ZBTB45: variants seen among roughly 807,000 people sequenced by gnomAD.
The protein encoded by ZBTB45 is zinc finger and BTB domain-containing protein 45.
In ZBTB45, 22 loss-of-function variants were observed where a neutral mutation model predicts 28.4. The ratio of observed to expected loss-of-function variants is 0.77; its 90% CI spans 0.55 to 1.10. The LOEUF is 1.10. Ranked by LOEUF, ZBTB45 falls within the 50% of genes least tolerant of loss-of-function variation. The pLI is 0.00. For missense variants in ZBTB45, 656 were observed against 750.2 expected (o/e 0.87, Z 1.47); for synonymous variants, 361 against 332.3 (o/e 1.09, Z -0.94).
Position 58,517,126 on chromosome 19 carries a change from G to A in ZBTB45, c.548C>T (p.Ala183Val), listed in dbSNP as rs1476542660. 11 of 1,612,700 alleles carry A rather than the reference G, an allele frequency of 6.8e-6. No individual in the cohort carries two copies. Among genetic ancestry groups the A allele is most frequent in the South Asian group, 1.1e-5 (1 of 91,072 alleles). ...QRQPARLQLPAPPTPAKAEGP... is the reference protein window; with the variant it reads ...QRQPARLQLPVPPTPAKAEGP... ...CTCAGCCTTGGCAGGTGTTGGGGGC[G>A]CTGGCAGCTGCAAACGCGCGGGCTG... Residue 183 changes from alanine (A) to valine (V), a missense_variant, in exon 2 of 3, where the codon GCG becomes GTG. Coordinates refer to ENST00000594051, the MANE Select transcript of ZBTB45 (RefSeq NM_001316979.2).
Position 58,516,497 on chromosome 19 carries a change from C to T in ZBTB45, c.1177G>A (p.Ala393Thr), listed in dbSNP as rs867127690. 1.2e-6 allele frequency: 2 copies of T among 1,613,744 alleles called. No individual in the cohort carries two copies. The highest frequency in any genetic ancestry group is 1.7e-6 in the Non-Finnish European group (2 of 1,179,800). The stretch of plus-strand genomic sequence containing the variant: ...GGTGGCTCAGCACCTGGGGTGCGAG[C>T]AGGGGTGCCTGAGGGGGCCGTGGTG... ...APTTAPSGTP[A>T]RTPGAEPPTY... The change falls in exon 2 of 3, where the codon GCT (alanine) becomes ACT (threonine). Residue 393 changes from alanine to threonine, a missense_variant. By Grantham distance (58) the Ala-to-Thr change is moderately conservative. Coordinates refer to ENST00000594051, the MANE Select transcript of ZBTB45 (RefSeq NM_001316979.2). This position sits in a 1 kb window ranked among gnomAD's most constrained non-coding sequence, Gnocchi z 6.2.
intron 1 of ZBTB45, among the ~76,000 whole-genome samples, chr19:58,527,963 G>GT (rs2053616400): frequency 6.6e-6 from 1 of 152,186 alleles, no homozygotes; most frequent in Non-Finnish European, 1.5e-5. Context: ...TTATCTGGGC[G>GT]TGGCAGTACG....
intron 1 of ZBTB45, among the ~76,000 whole-genome samples, chr19:58,526,383 T>C (rs1048484255): frequency 2.6e-5 from 4 of 151,634 alleles, no homozygotes; most frequent in Admixed American, 6.6e-5. Context: ...TTAATTTTTG[T>C]ATTTTTAGTG....
In ZBTB45 at chr19:58,514,072, C is replaced by A. The variant is rs760003666; in HGVS notation, c.1518G>T (p.Ala506=). ...SHRALLERHL[A]AHPAP ...AGCGCCATCAGGGCGCAGGGTGCGC[C>A]GCCAGGTGGCGCTCCAGCAGCGCGC... is the stretch of plus-strand genomic sequence containing the variant. The change falls in exon 3 of 3, where the codon GCG becomes GCT. Residue 506 remains alanine, a synonymous_variant. Coordinates refer to ENST00000594051, the MANE Select transcript of ZBTB45 (RefSeq NM_001316979.2). 22 of 1,511,886 alleles carry A rather than the reference C, an allele frequency of 1.5e-5. No individual in the cohort carries two copies. The highest frequency in any genetic ancestry group is 1.8e-5 in the Non-Finnish European group (20 of 1,135,612). The allele number at this position is 1,511,886 out of a possible 1,614,324, so 93.7% of individuals were successfully genotyped here.
Position 58,516,564 on chromosome 19 carries a change from G to A in ZBTB45, c.1110C>T (p.Pro370=). Residue 370 remains proline, a synonymous_variant, in exon 2 of 3, where the codon CCC becomes CCT. Transcript: ENST00000594051. This position sits in a 1 kb window ranked among gnomAD's most constrained non-coding sequence, Gnocchi z 6.2. The stretch of plus-strand genomic sequence containing the variant: ...CCGGGACCTCCCCCAGCTGAGTACT[G>A]GGGGCTGCCTCGGGCTGGAGTGTGG... ...FYPTLQPEAA[P]STQLGEVPAP... 6.2e-7 allele frequency: 1 copy of A among 1,600,120 alleles called. No individual in the cohort carries two copies. The highest frequency in any genetic ancestry group is 8.5e-7 in the Non-Finnish European group (1 of 1,172,824).
upstream of ZBTB45, among the ~76,000 whole-genome samples, chr19:58,524,178 A>G (rs1244601267): frequency 2.7e-5 from 4 of 150,900 alleles, no homozygotes; most frequent in Admixed American, 2.0e-4. Flanking sequence ...CCTAGCCAAC[A>G]TGGCAAAACC....
chr19:58,535,843 A>C (rs969314250), intron 1 of ZBTB45, among the ~76,000 whole-genome samples: 2 of 152,162 alleles, frequency 1.3e-5, no homozygotes, highest in Non-Finnish European at 2.9e-5. Context: ...CTCTGGGCTA[A>C]GCACAGTGGA....
At chr19:58,523,822 C>T (rs1270134116), upstream of ZBTB45, among the ~76,000 whole-genome samples, 1 of 81,642 alleles carries the variant, frequency 1.2e-5, no homozygotes, top group South Asian at 5.8e-4. Flanking sequence ...AGGCGCCCGC[C>T]ACCAGGCCCC....
exon 1 of ZBTB45, chr19:58,538,744 G>C (rs1054020002): frequency 6.6e-6 from 1 of 152,222 alleles, no homozygotes; most frequent in Non-Finnish European, 1.5e-5. Context: ...ATGGTTGTTC[G>C]CGCCAGTCCT....
chr19:58,514,981 G>C (rs1314974024), intron 2 of ZBTB45, among the ~76,000 whole-genome samples: 1 of 152,130 alleles, frequency 6.6e-6, no homozygotes, highest in African/African-American at 2.4e-5. Context: ...TCTGGGTTAG[G>C]GGAGGGGAGG....
intron 1 of ZBTB45, among the ~76,000 whole-genome samples, chr19:58,524,894 AC>A (rs1185428804): frequency 2.0e-5 from 3 of 148,244 alleles, no homozygotes; most frequent in Non-Finnish European, 3.0e-5. Context: ...AAAAAAAAAA[AC>A]AAAAAAACAA....
chr19:58,517,796 T>G, intron 1 of ZBTB45, 123 bp from the exon 2 acceptor site: 36 of 816,282 alleles, frequency 4.4e-5, no homozygotes, highest in Middle Eastern at 2.4e-4. Flanking sequence ...CAAGGCGCGC[T>G]AACCCATCCC....
upstream of ZBTB45, among the ~76,000 whole-genome samples, chr19:58,523,796 G>A (rs1163124182): frequency 1.5e-5 from 2 of 129,786 alleles, no homozygotes; most frequent in African/African-American, 2.7e-5. Flanking sequence ...TCAGCCTCCC[G>A]AGTAGCTGGG....
chr19:58,537,272 G>A lies in ZBTB45; in HGVS notation c.-1+1429C>T, dbSNP rs559474685. On this transcript the variant is annotated intron_variant, in intron 1 of 1. Transcript: ENST00000600130. ...CCCACAGTGGTGTGGAACCTGGTGGGGAGGTGATGCTCCAAGGTCTGCTGC... is the reference window on the plus strand; with the variant it reads ...CCCACAGTGGTGTGGAACCTGGTGGAGAGGTGATGCTCCAAGGTCTGCTGC... Among the ~76,000 whole-genome samples the A allele has an allele frequency of 4.6e-5, 7 of 152,222 alleles. No homozygotes were observed. In the South Asian group the frequency reaches 1.4e-3, roughly 32 times the overall value.
At position 58,516,177 on chromosome 19, in the gene ZBTB45, A is replaced by G. The variant is rs1028968245; in HGVS notation, c.1279+218T>C. Among the ~76,000 whole-genome samples the G allele has an allele frequency of 6.6e-6, 1 of 152,080 alleles. No homozygotes were observed. The highest frequency in any genetic ancestry group is 2.4e-5 in the African/African-American group (1 of 41,416). ...GGCTCCTGCTTCCCTACCCAGCCTC[A>G]GGATCCCCCTCCACAGAAGCCAGTG... On this transcript the variant is annotated intron_variant, in intron 2 of 2. Transcript: ENST00000594051. This position sits in a 1 kb window ranked among gnomAD's most constrained non-coding sequence, Gnocchi z 6.2.
In ZBTB45 at chr19:58,516,331, A is replaced by G; in HGVS notation, c.1279+64T>C. ...GCCAGTGCCCTGTAACTAGTGCTCA[A>G]TTCCCCCTCAGGTTTAACTCTCCGA... On this transcript the variant is annotated intron_variant, in intron 2 of 2. Coordinates refer to ENST00000594051, the MANE Select transcript of ZBTB45 (RefSeq NM_001316979.2). The surrounding 1 kb of genome is among the most constrained non-coding windows in gnomAD (Gnocchi z 6.2). 6 of 1,595,722 alleles carry G rather than the reference A, an allele frequency of 3.8e-6. No homozygotes were observed. In the South Asian group the frequency reaches 6.8e-5, roughly 18 times the overall value.
rs1021327024 is a variant in ZBTB45 at position 58,513,960 on chromosome 19, G to A, written c.*94C>T. 4.5e-6 allele frequency: 6 copies of A among 1,324,822 alleles called. No individual in the cohort carries two copies. In the African/African-American group the frequency reaches 4.7e-5, roughly 10 times the overall value. 82.1% of individuals were successfully genotyped at this position (1,324,822 alleles called of 1,614,324 possible). ...GGACCTGCGCTCAGGAGGGAGCGTG[G>A]TCTAGTGGCGGGAACCACGGGTCCC... On this transcript the variant is annotated 3_prime_UTR_variant, in exon 3 of 3. Coordinates refer to ENST00000594051, the MANE Select transcript of ZBTB45 (RefSeq NM_001316979.2).
chr19:58,538,275 G>T (rs765109313), intron 1 of ZBTB45, among the ~76,000 whole-genome samples: 1 of 151,910 alleles, frequency 6.6e-6, no homozygotes, highest in Non-Finnish European at 1.5e-5. Flanking sequence ...GAGAGCAGGG[G>T]AGCGATCATA....
upstream of ZBTB45, among the ~76,000 whole-genome samples, chr19:58,520,510 G>A (rs1453258054): frequency 2.0e-5 from 3 of 152,044 alleles, no homozygotes; most frequent in East Asian, 5.8e-4. Flanking sequence ...TACACTACAT[G>A]GTGAAAGGGT....
Sources: gnomAD v4.1 joint callset for allele counts (sites outside exome capture counted in the v4.1 genomes callset) on GRCh38, gnomAD v4.1.1 for gene constraint, Gnocchi (gnomAD v3.1) non-coding constraint, MANE v1.5 for transcripts, NCBI Gene and HGNC (gene_info 2026-07-23, HGNC 2026-07-21) for gene names.